The following GABRB1 variants were observed in gnomAD, a reference collection of about 807,000 sequenced individuals.
GABRB1 encodes the protein gamma-aminobutyric acid type A receptor subunit beta1.
GABRB1 carries 17 observed loss-of-function variants against 51.6 expected under a neutral mutation model. The observed-to-expected ratio is 0.33, with a 90% confidence interval of 0.23 to 0.49. The LOEUF (loss-of-function observed/expected upper bound fraction) is 0.49, where lower values mean the gene tolerates loss of function less well. Ranked by LOEUF, GABRB1 falls within the 20% of genes least tolerant of loss-of-function variation. The pLI, the probability that GABRB1 is intolerant of heterozygous loss-of-function variation, is 0.99. For missense variants in GABRB1, 410 were observed against 600.6 expected, an observed-to-expected ratio of 0.68 and a Z score of 3.32; for synonymous variants, 247 against 218.9, an observed-to-expected ratio of 1.13 and a Z score of -1.14.
chr4:47,010,723 G>C (rs1196182799), intron 1 of GABRB1, among the ~76,000 whole-genome samples: 1 of 152,140 alleles, frequency 6.6e-6, no homozygotes, highest in Non-Finnish European at 1.5e-5. Flanking sequence ...GTGTCATCCT[G>C]ACTCCTGAAC....
intron 3 of GABRB1, among the ~76,000 whole-genome samples, chr4:47,110,505 A>G (rs1003961532): frequency 2.6e-5 from 4 of 152,180 alleles, no homozygotes; most frequent in African/African-American, 9.6e-5. Flanking sequence ...ATGTTTGTCA[A>G]ATCTTTGCTT....
At chr4:47,366,440 AG>A (rs1166068863) in intron 5 of GABRB1, among the ~76,000 whole-genome samples, 2 of 152,216 alleles carry the variant, frequency 1.3e-5, no homozygotes, top group Non-Finnish European at 2.9e-5. Flanking sequence ...CACTGCAGCC[AG>A]ATACATTTCT....
At chr4:47,187,566 T>C (rs910798663) in intron 4 of GABRB1, among the ~76,000 whole-genome samples, 11 of 151,852 alleles carry the variant, frequency 7.2e-5, no homozygotes, top group African/African-American at 2.4e-4. Context: ...GTGCACAATT[T>C]AGCGTGAAAT....
intron 5 of GABRB1, among the ~76,000 whole-genome samples, chr4:47,372,590 A>G (rs559475223): frequency 6.6e-6 from 1 of 152,318 alleles, no homozygotes; most frequent in South Asian, 2.1e-4. Context: ...CTCACCTTAT[A>G]GCTGAAAGAA....
At chr4:47,020,537 A>T (rs1312933574) in intron 1 of GABRB1, among the ~76,000 whole-genome samples, 1 of 152,160 alleles carries the variant, frequency 6.6e-6, no homozygotes, top group East Asian at 1.9e-4. Flanking sequence ...CATCCTCACC[A>T]TCTCAGAGAA....
intron 3 of GABRB1, among the ~76,000 whole-genome samples, chr4:47,113,149 G>C (rs1436512488): frequency 3.3e-5 from 5 of 152,098 alleles, no homozygotes; most frequent in Admixed American, 2.6e-4. Context: ...ACTTTGGGAA[G>C]CCAAGGTGGG....
At chr4:47,355,603 C>T (rs1377934792) in intron 5 of GABRB1, among the ~76,000 whole-genome samples, 1 of 152,146 alleles carries the variant, frequency 6.6e-6, no homozygotes, top group Non-Finnish European at 1.5e-5. Flanking sequence ...CAATACATTG[C>T]TTTTTATGGC....
In GABRB1 at chr4:47,130,137, T is replaced by C. The variant is rs62305314; in HGVS notation, c.241-31112T>C. ...TTGCTCCCCCACATTTTCTCTCTGA[T>C]ACCAAGTGTTTTATTTCCAAAATGT... On this transcript the variant is annotated intron_variant, in intron 3 of 8. Coordinates refer to ENST00000295454, the MANE Select transcript of GABRB1 (RefSeq NM_000812.4). 5.0e-3 allele frequency among the ~76,000 whole-genome samples: 757 copies of C among 152,324 alleles called. 7 individuals carry two copies. The highest frequency in any genetic ancestry group is 9.3e-3 in the Non-Finnish European group (635 of 68,030).
At chr4:46,999,713 C>A (rs1257768894) in intron 1 of GABRB1, among the ~76,000 whole-genome samples, 1 of 152,158 alleles carries the variant, frequency 6.6e-6, no homozygotes, top group Admixed American at 6.5e-5. Flanking sequence ...AGAAACAGTG[C>A]TAAAACTCCT....
chr4:47,021,683 T>C (rs1257377222), intron 1 of GABRB1, among the ~76,000 whole-genome samples: 2 of 152,156 alleles, frequency 1.3e-5, no homozygotes, highest in Admixed American at 6.5e-5. Flanking sequence ...CCTGTGTCTT[T>C]TCTTTATCAG....
chr4:47,077,104 G>T (rs928082564), intron 3 of GABRB1, among the ~76,000 whole-genome samples: 1 of 152,052 alleles, frequency 6.6e-6, no homozygotes, highest in African/African-American at 2.4e-5. Flanking sequence ...TTTACTGCAT[G>T]CCCCCAGCAA....
chr4:47,152,255 C>T (rs187558223), intron 3 of GABRB1, among the ~76,000 whole-genome samples: 13 of 152,108 alleles, frequency 8.5e-5, no homozygotes, highest in African/African-American at 2.9e-4. Flanking sequence ...ACACTTATTG[C>T]TGATCTTGAG....
chr4:47,163,254 T>G (rs1428882386), intron 4 of GABRB1, among the ~76,000 whole-genome samples: 1 of 152,086 alleles, frequency 6.6e-6, no homozygotes, highest in Non-Finnish European at 1.5e-5. Flanking sequence ...CTAATCAATA[T>G]GACAATACAT....
intron 3 of GABRB1, among the ~76,000 whole-genome samples, chr4:47,054,426 G>A (rs933215491): frequency 6.6e-6 from 1 of 152,134 alleles, no homozygotes; most frequent in East Asian, 1.9e-4. Flanking sequence ...CATGTAATTA[G>A]GGATAATGAT....
chr4:47,076,647 A>AAAAACAAAAC (rs200916587), intron 3 of GABRB1, among the ~76,000 whole-genome samples: 11 of 150,894 alleles, frequency 7.3e-5, no homozygotes, highest in African/African-American at 2.7e-4. Flanking sequence ...GATTACATGG[A>AAAAACAAAAC]AAAACAAAAC....
At chr4:47,306,745 T>G (rs1724486776) in intron 4 of GABRB1, among the ~76,000 whole-genome samples, 1 of 152,044 alleles carries the variant, frequency 6.6e-6, no homozygotes, top group South Asian at 2.1e-4. Flanking sequence ...CTTCTTTTTT[T>G]TGTTTGTTTG....
intron 4 of GABRB1, among the ~76,000 whole-genome samples, chr4:47,287,974 C>A (rs1723574072): frequency 1.3e-5 from 2 of 152,142 alleles, no homozygotes; most frequent in Admixed American, 1.3e-4. Context: ...ACAGTCCCAG[C>A]CAGCAACTTG....
chr4:47,040,590 T>A (rs1238724037), intron 3 of GABRB1, among the ~76,000 whole-genome samples: 1 of 152,084 alleles, frequency 6.6e-6, no homozygotes, highest in Non-Finnish European at 1.5e-5. Context: ...AGTGGACACA[T>A]TTTCAGGAAA....
chr4:47,165,111 C>T (rs1283289079), intron 4 of GABRB1, among the ~76,000 whole-genome samples: 1 of 152,066 alleles, frequency 6.6e-6, no homozygotes, highest in Admixed American at 6.6e-5. Context: ...CACATGATGT[C>T]ATTTCCTTTC....
Sources: gnomAD v4.1 joint callset for allele counts (sites outside exome capture counted in the v4.1 genomes callset) on GRCh38, gnomAD v4.1.1 for gene constraint, MANE v1.5 for transcripts, NCBI Gene and HGNC (gene_info 2026-07-23, HGNC 2026-07-21) for gene names.